The following SPATA31H1 variants were observed in gnomAD, a reference collection of about 807,000 sequenced individuals.
The protein encoded by SPATA31H1 is SPATA31 subfamily H member 1, also known as spermatogenesis-associated protein 31H1.
chr2:27,577,411 C>A, the SPATA31H1 span: 1 of 1,614,088 alleles, frequency 6.2e-7, no homozygotes, highest in East Asian at 2.2e-5. The surrounding 1 kb of genome is among the most constrained non-coding windows in gnomAD (Gnocchi z 4.5). Flanking sequence ...ATGGGGTTGA[C>A]CGCTGAGGCA....
At chr2:27,574,620 C>A in the SPATA31H1 span, 11 of 398,452 alleles carry the variant, frequency 2.8e-5, no homozygotes, top group South Asian at 1.0e-3. Flanking sequence ...TTCTGGACAA[C>A]AGACACAAAG....
chr2:27,565,271 G>A, the SPATA31H1 span: 1 of 701,290 alleles, frequency 1.4e-6, no homozygotes, highest in Non-Finnish European at 2.6e-6. Flanking sequence ...GGTGAGAAGT[G>A]CTGTCAATAA....
At chr2:27,539,651 C>T in the SPATA31H1 span, among the ~76,000 whole-genome samples, 7 of 103,130 alleles carry the variant, frequency 6.8e-5, no homozygotes, top group African/African-American at 1.1e-4. Context: ...CAGACGGGGC[C>T]GTGGCCGGGC....
the SPATA31H1 span, among the ~76,000 whole-genome samples, chr2:27,560,413 A>G: frequency 1.3e-5 from 2 of 151,814 alleles, no homozygotes; most frequent in Admixed American, 1.3e-4. Context: ...AAAATACGAT[A>G]TTTGTGAGGA....
the SPATA31H1 span, chr2:27,577,785 C>A: frequency 6.2e-7 from 1 of 1,614,136 alleles, no homozygotes; most frequent in Non-Finnish European, 8.5e-7. This position sits in a 1 kb window ranked among gnomAD's most constrained non-coding sequence, Gnocchi z 4.5. Context: ...ATCTGTAAAT[C>A]TGACCTGTAA....
At chr2:27,566,275 A>G in the SPATA31H1 span, 1 of 716,954 alleles carries the variant, frequency 1.4e-6, no homozygotes, top group Non-Finnish European at 2.6e-6. Context: ...ATTGACATAC[A>G]CTGTTGCATC....
the SPATA31H1 span, among the ~76,000 whole-genome samples, chr2:27,541,839 T>A: frequency 6.6e-6 from 1 of 152,002 alleles, no homozygotes; most frequent in African/African-American, 2.4e-5. Flanking sequence ...GTGCAACACA[T>A]GGCTCACTGC....
the SPATA31H1 span, chr2:27,577,267 T>C: frequency 1.2e-5 from 20 of 1,613,854 alleles, no homozygotes; most frequent in Non-Finnish European, 1.6e-5. The surrounding 1 kb of genome is among the most constrained non-coding windows in gnomAD (Gnocchi z 4.5). Flanking sequence ...TACCAAATCC[T>C]AGAAACTATG....
chr2:27,545,579 CT>C, the SPATA31H1 span, among the ~76,000 whole-genome samples: 1,207 of 141,232 alleles, frequency 8.5e-3, 19 homozygotes, highest in African/African-American at 0.016. Flanking sequence ...TTTCCTTTTT[CT>C]TTTTTTTTTT....
At chr2:27,548,591 G>A in the SPATA31H1 span, among the ~76,000 whole-genome samples, 1 of 146,470 alleles carries the variant, frequency 6.8e-6, no homozygotes, top group African/African-American at 2.5e-5. Context: ...TTGGGTGACG[G>A]AGCCAGGCCC....
the SPATA31H1 span, chr2:27,570,693 C>T: frequency 2.5e-6 from 1 of 398,712 alleles, no homozygotes; most frequent in Non-Finnish European, 4.4e-6. Context: ...AGAGATGACC[C>T]CAGGGCCAAA....
At chr2:27,579,729 C>G in the SPATA31H1 span, 3 of 1,614,178 alleles carry the variant, frequency 1.9e-6, no homozygotes, top group Non-Finnish European at 1.7e-6. Flanking sequence ...TGAGGACTCA[C>G]AGAGTGATTC....
chr2:27,540,024 C>CG, the SPATA31H1 span, among the ~76,000 whole-genome samples: 1 of 128,282 alleles, frequency 7.8e-6, no homozygotes, highest in Admixed American at 7.7e-5. Context: ...GGCTGACCCC[C>CG]CCACCTCCCT....
chr2:27,543,313 A>T, the SPATA31H1 span, among the ~76,000 whole-genome samples: 1 of 152,082 alleles, frequency 6.6e-6, no homozygotes, highest in Admixed American at 6.6e-5. Context: ...TATTTTAGAT[A>T]AATTTTATTT....
At chr2:27,553,922 C>CA in the SPATA31H1 span, among the ~76,000 whole-genome samples, 653 of 150,264 alleles carry the variant, frequency 4.3e-3, 15 homozygotes, top group African/African-American at 0.015. Flanking sequence ...AACTCTGTCT[C>CA]AAAAAAAAAG....
chr2:27,580,835 C>G, the SPATA31H1 span: 1 of 1,614,182 alleles, frequency 6.2e-7, no homozygotes, highest in African/African-American at 1.3e-5. Flanking sequence ...CAGGCTCAAC[C>G]ATTAAGCAGG....
the SPATA31H1 span, chr2:27,566,112 G>A: frequency 1.4e-6 from 1 of 717,472 alleles, no homozygotes; most frequent in Non-Finnish European, 2.6e-6. Context: ...AGTAAAGCCT[G>A]TCTTCAGCCT....
the SPATA31H1 span, among the ~76,000 whole-genome samples, chr2:27,543,602 T>C: frequency 6.6e-6 from 1 of 151,618 alleles, no homozygotes; most frequent in South Asian, 2.1e-4. Context: ...TTGTGTTGTA[T>C]AAGAACTCCA....
the SPATA31H1 span, chr2:27,573,327 C>G: frequency 2.5e-6 from 1 of 398,298 alleles, no homozygotes; most frequent in Non-Finnish European, 4.4e-6. Flanking sequence ...AGACTCACAG[C>G]TTGGAAGTGT....
Sources: gnomAD v4.1 joint callset for allele counts (sites outside exome capture counted in the v4.1 genomes callset) on GRCh38, gnomAD v4.1.1 for gene constraint, Gnocchi (gnomAD v3.1) non-coding constraint, MANE v1.5 for transcripts, NCBI Gene and HGNC (gene_info 2026-07-23, HGNC 2026-07-21) for gene names.